NCALD: variants seen among roughly 807,000 people sequenced by gnomAD.
The protein encoded by NCALD is neurocalcin delta.
NCALD carries 10 observed loss-of-function variants against 18.6 expected under a neutral mutation model. The ratio of observed to expected loss-of-function variants is 0.54; its 90% CI spans 0.33 to 0.91. The LOEUF is 0.91. Ranked by LOEUF, NCALD falls within the 40% of genes least tolerant of loss-of-function variation. NCALD has a pLI of 0.03. For synonymous variants in NCALD, 88 were observed against 87.4 expected (o/e 1.01, Z -0.04); for missense variants, 184 against 247.6 (o/e 0.74, Z 1.72).
intron 2 of NCALD, among the ~76,000 whole-genome samples, chr8:101,940,895 C>G (rs1818932051): frequency 6.6e-6 from 1 of 152,048 alleles, no homozygotes; most frequent in Non-Finnish European, 1.5e-5. Flanking sequence ...CAAACAGGAC[C>G]TTGAGTTGAT....
rs188631499 is a variant in NCALD at position 102,044,580 on chromosome 8, C to T, written c.-209-24291G>A. On this transcript the variant is annotated intron_variant, in intron 1 of 6. Coordinates refer to the NCALD transcript ENST00000311028. ...TAACGCGGTAATCACTGAGCTAGAA[C>T]CTGAATGCTAAGATAACTTTCCAGT... Among the ~76,000 whole-genome samples the T allele has an allele frequency of 2.0e-5, 3 of 152,344 alleles. No homozygotes were observed. In the East Asian group the frequency reaches 5.8e-4, roughly 29 times the overall value.
chr8:101,692,417 ACC>A, intron 3 of NCALD: 1 of 984,958 alleles, frequency 1.0e-6, no homozygotes, highest in Non-Finnish European at 1.2e-6. Flanking sequence ...CAGAATAACA[ACC>A]CTCTCCCCAT....
intron 2 of NCALD, among the ~76,000 whole-genome samples, chr8:101,943,348 C>T (rs1039539641): frequency 6.6e-6 from 1 of 152,174 alleles, no homozygotes; most frequent in Non-Finnish European, 1.5e-5. Flanking sequence ...TGCCAGAAAA[C>T]AATCCTTTCC....
intron 2 of NCALD, among the ~76,000 whole-genome samples, chr8:101,936,586 G>T (rs563397147): frequency 6.6e-6 from 1 of 152,130 alleles, no homozygotes; most frequent in Non-Finnish European, 1.5e-5. Flanking sequence ...TCAGGGTAGA[G>T]GTTCTTAACC....
intron 4 of NCALD, among the ~76,000 whole-genome samples, chr8:101,820,189 A>G (rs1813664028): frequency 2.0e-5 from 3 of 152,182 alleles, no homozygotes; most frequent in Admixed American, 1.3e-4. Flanking sequence ...GTGATTTTGT[A>G]TACTTATATA....
chr8:102,070,357 T>G (rs947854753), intron 1 of NCALD, among the ~76,000 whole-genome samples: 1 of 152,150 alleles, frequency 6.6e-6, no homozygotes, highest in Admixed American at 6.5e-5. Flanking sequence ...CACTCTGCAT[T>G]TATATTATTT....
At chr8:101,704,945 G>T (rs1407583099) in intron 2 of NCALD, among the ~76,000 whole-genome samples, 1 of 151,230 alleles carries the variant, frequency 6.6e-6, no homozygotes, top group Middle Eastern at 3.2e-3. Context: ...TAAAAAATAG[G>T]CCGGGCGCGG....
intron 2 of NCALD, among the ~76,000 whole-genome samples, chr8:101,943,872 C>T (rs375784727): frequency 1.3e-5 from 2 of 150,144 alleles, no homozygotes; most frequent in Non-Finnish European, 3.0e-5. Context: ...ACTAGGGAGG[C>T]GGAGGTTGCA....
At chr8:101,978,597 G>A (rs1265736892) in intron 2 of NCALD, among the ~76,000 whole-genome samples, 1 of 152,194 alleles carries the variant, frequency 6.6e-6, no homozygotes, top group East Asian at 1.9e-4. Context: ...GATGATATTT[G>A]TCAAAATGGA....
At chr8:102,044,916 G>A (rs1254110630) in intron 1 of NCALD, among the ~76,000 whole-genome samples, 2 of 152,152 alleles carry the variant, frequency 1.3e-5, no homozygotes, top group African/African-American at 4.8e-5. Context: ...AATCCTGTGA[G>A]GATTCAATGC....
At chr8:102,081,443 G>C (rs1006757367) in intron 1 of NCALD, among the ~76,000 whole-genome samples, 5 of 148,648 alleles carry the variant, frequency 3.4e-5, no homozygotes, top group African/African-American at 1.2e-4. Context: ...CACACTGATG[G>C]AAATAAAAGT....
chr8:101,845,788 T>C (rs1814844594), intron 4 of NCALD, among the ~76,000 whole-genome samples: 2 of 152,180 alleles, frequency 1.3e-5, no homozygotes, highest in Non-Finnish European at 2.9e-5. Flanking sequence ...TCCATCTAAC[T>C]GCATTTTGTA....
At chr8:101,818,306 AT>A (rs1813581942) in intron 4 of NCALD, among the ~76,000 whole-genome samples, 1 of 152,198 alleles carries the variant, frequency 6.6e-6, no homozygotes, top group Non-Finnish European at 1.5e-5. Context: ...TTGTTTTGCA[AT>A]TGGCACTGCA....
rs551761980 is a variant in NCALD, at chr8:101,883,600, G to A, written c.-20+3541C>T. Among the ~76,000 whole-genome samples the A allele has an allele frequency of 1.1e-4, 16 of 152,276 alleles. No individual in the cohort carries two copies. In the South Asian group the frequency reaches 1.2e-3, roughly 12 times the overall value. On this transcript the variant is annotated intron_variant, in intron 4 of 6. Transcript: ENST00000311028. ...TGAAATTTCTTCGAAGTCTTTGACCGTGATTTGGGTACTATGAAGGACATC... is the reference window on the plus strand; with the variant it reads ...TGAAATTTCTTCGAAGTCTTTGACCATGATTTGGGTACTATGAAGGACATC...
At chr8:102,090,525 T>C (rs1014232779) in intron 1 of NCALD, among the ~76,000 whole-genome samples, 4 of 152,194 alleles carry the variant, frequency 2.6e-5, no homozygotes, top group Non-Finnish European at 4.4e-5. Context: ...ACAGGAGTTC[T>C]GTTCAAGCAG....
At chr8:102,042,622 G>A (rs554668006) in intron 1 of NCALD, among the ~76,000 whole-genome samples, 2 of 151,778 alleles carry the variant, frequency 1.3e-5, no homozygotes, top group East Asian at 1.9e-4. Flanking sequence ...ATGTCTTGTC[G>A]GGTCTCCTGG....
intron 2 of NCALD, among the ~76,000 whole-genome samples, chr8:102,019,533 T>G (rs1045348351): frequency 3.9e-5 from 6 of 152,158 alleles, no homozygotes; most frequent in African/African-American, 1.4e-4. Context: ...GTAAAATTTC[T>G]TTCCTCAAAG....
intron 2 of NCALD, among the ~76,000 whole-genome samples, chr8:101,943,604 A>C (rs1242798278): frequency 1.3e-5 from 2 of 152,202 alleles, no homozygotes; most frequent in African/African-American, 4.8e-5. Flanking sequence ...CACGTTAAGA[A>C]GACGCACCAG....
At chr8:101,774,356 A>T (rs1423873232) in intron 1 of NCALD, among the ~76,000 whole-genome samples, 3 of 152,150 alleles carry the variant, frequency 2.0e-5, no homozygotes, top group Non-Finnish European at 4.4e-5. Context: ...TAACTGAACA[A>T]AGTATTCTTC....
Sources: gnomAD v4.1 joint callset for allele counts (sites outside exome capture counted in the v4.1 genomes callset) on GRCh38, gnomAD v4.1.1 for gene constraint, MANE v1.5 for transcripts, NCBI Gene and HGNC (gene_info 2026-07-23, HGNC 2026-07-21) for gene names.